The following ROR1 variants were observed in gnomAD, a reference collection of about 807,000 sequenced individuals.
The protein encoded by ROR1 is ROR family WNT receptor 1, also known as inactive tyrosine-protein kinase transmembrane receptor ROR1.
Under a neutral mutation model 78.8 loss-of-function variants are expected in ROR1, and 19 were observed. The observed-to-expected ratio is 0.24, with a 90% CI of 0.17 to 0.35. The LOEUF (loss-of-function observed/expected upper bound fraction) is 0.35. Ranked by LOEUF, ROR1 falls within the 10% of genes least tolerant of loss-of-function variation. The probability of loss-of-function intolerance (pLI) is 1.00; values close to 1 mark genes in which losing one functional copy is unlikely to be tolerated. For synonymous variants in ROR1, 386 were observed against 433.6 expected, an observed-to-expected ratio of 0.89 and a Z score of 1.36; for missense variants, 917 against 1,177.8, an observed-to-expected ratio of 0.78 and a Z score of 3.24.
chr1:64,060,062 G>A (rs1469596644), intron 4 of ROR1, among the ~76,000 whole-genome samples: 1 of 152,000 alleles, frequency 6.6e-6, no homozygotes, highest in Admixed American at 6.6e-5. Flanking sequence ...ATCCTAACAT[G>A]GGACTTGGTG....
intron 1 of ROR1, among the ~76,000 whole-genome samples, chr1:63,966,597 T>C (rs958770388): frequency 1.3e-5 from 2 of 152,224 alleles, no homozygotes; most frequent in Non-Finnish European, 2.9e-5. Flanking sequence ...CCAAATGTTT[T>C]ACCCTCAACT....
chr1:63,776,748 C>T (rs561506287), intron 1 of ROR1, among the ~76,000 whole-genome samples: 19 of 152,222 alleles, frequency 1.2e-4, no homozygotes, highest in Middle Eastern at 3.4e-3. Flanking sequence ...CAATATAAAA[C>T]AATATGAGAG....
At position 64,047,531 on chromosome 1, in the gene ROR1, C is replaced by A. The variant is rs75774449; in HGVS notation, c.164-2160C>A. ...ATCAAATTCCAGAACCTGTCCAATG[C>A]AGTATTAATCACTATGCTTATAGTG... On this transcript the variant is annotated intron_variant, in intron 2 of 8. Coordinates refer to ENST00000371079, the MANE Select transcript of ROR1 (RefSeq NM_005012.4). Among the ~76,000 whole-genome samples, 588 of 152,282 alleles carry A rather than the reference C, an allele frequency of 3.9e-3. 7 individuals are homozygous for A. The highest frequency in any genetic ancestry group is 0.013 in the African/African-American group (559 of 41,566).
At chr1:63,941,994 G>A (rs855938) in intron 1 of ROR1, among the ~76,000 whole-genome samples, 106,481 of 152,000 alleles carry the variant, frequency 0.7, 39,780 homozygotes, top group East Asian at 0.94. Context: ...TGGCAAGAAG[G>A]GGAGGCAGAG....
At chr1:63,956,515 A>G (rs1035448830) in intron 1 of ROR1, among the ~76,000 whole-genome samples, 8 of 152,160 alleles carry the variant, frequency 5.3e-5, no homozygotes, top group African/African-American at 1.9e-4. Context: ...GCATTTAAGA[A>G]ACATTGGCTG....
At chr1:63,943,818 G>T (rs952806787) in intron 1 of ROR1, among the ~76,000 whole-genome samples, 1 of 152,158 alleles carries the variant, frequency 6.6e-6, no homozygotes, top group Non-Finnish European at 1.5e-5. Flanking sequence ...TTATAGAAAA[G>T]TTATGATAAT....
intron 1 of ROR1, among the ~76,000 whole-genome samples, chr1:63,828,864 A>G (rs1456671884): frequency 6.6e-6 from 1 of 152,156 alleles, no homozygotes; most frequent in Non-Finnish European, 1.5e-5. Context: ...AGCACTTTGG[A>G]GACCACAGAC....
chr1:64,099,550 A>G (rs540829167), intron 4 of ROR1, among the ~76,000 whole-genome samples: 2 of 152,318 alleles, frequency 1.3e-5, no homozygotes, highest in African/African-American at 4.8e-5. Context: ...ATAAAAGCAA[A>G]AATAAAATGT....
intron 1 of ROR1, among the ~76,000 whole-genome samples, chr1:63,904,510 C>T (rs1308583949): frequency 6.6e-6 from 1 of 152,186 alleles, no homozygotes; most frequent in Non-Finnish European, 1.5e-5. Context: ...TCTCCAAATC[C>T]AACCAGACTA....
At chr1:64,007,027 G>T (rs1386204439) in intron 1 of ROR1, among the ~76,000 whole-genome samples, 1 of 151,018 alleles carries the variant, frequency 6.6e-6, no homozygotes, top group Non-Finnish European at 1.5e-5. Context: ...CCAGAGGTAA[G>T]GTGAAAAAAA....
chr1:63,985,589 T>C (rs1646244023), intron 1 of ROR1, among the ~76,000 whole-genome samples: 1 of 151,864 alleles, frequency 6.6e-6, no homozygotes, highest in Non-Finnish European at 1.5e-5. Flanking sequence ...TTATTAAAAA[T>C]ATAGGGGCCA....
At chr1:63,791,289 A>T (rs1644724382) in intron 1 of ROR1, among the ~76,000 whole-genome samples, 1 of 152,112 alleles carries the variant, frequency 6.6e-6, no homozygotes, top group Non-Finnish European at 1.5e-5. Context: ...GGGAGCAGCC[A>T]ATGCAGGCTC....
At chr1:64,112,062 G>A (rs1326524685) in intron 4 of ROR1, 1 of 152,140 alleles carries the variant, frequency 6.6e-6, no homozygotes, top group Admixed American at 6.5e-5. Flanking sequence ...CAAAGCCATG[G>A]GTGTCTTACA....
chr1:63,809,204 C>A (rs755268499), intron 1 of ROR1, among the ~76,000 whole-genome samples: 1 of 152,152 alleles, frequency 6.6e-6, no homozygotes, highest in African/African-American at 2.4e-5. Context: ...TACTTAAGTA[C>A]TTCTGTGCAC....
At chr1:64,017,059 G>C (rs1461332934) in intron 2 of ROR1, among the ~76,000 whole-genome samples, 2 of 151,886 alleles carry the variant, frequency 1.3e-5, no homozygotes, top group East Asian at 3.9e-4. Context: ...TGGGACCACA[G>C]GTGCACCATG....
intron 2 of ROR1, among the ~76,000 whole-genome samples, chr1:64,042,130 T>C (rs1040196662): frequency 1.3e-5 from 2 of 152,106 alleles, no homozygotes; most frequent in Admixed American, 1.3e-4. Flanking sequence ...GGTCAGGAAA[T>C]GGTAGTGATA....
chr1:63,936,315 C>T (rs1036396205), intron 1 of ROR1, among the ~76,000 whole-genome samples: 4 of 152,166 alleles, frequency 2.6e-5, no homozygotes, highest in African/African-American at 9.7e-5. Context: ...AAGGGGTGCT[C>T]TAAAGTGAAA....
chr1:64,130,542 C>T (rs1210063520), intron 4 of ROR1, among the ~76,000 whole-genome samples: 1 of 152,156 alleles, frequency 6.6e-6, no homozygotes, highest in Non-Finnish European at 1.5e-5. Context: ...GATGCTCCCT[C>T]TCCCAGGGCC....
intron 1 of ROR1, among the ~76,000 whole-genome samples, chr1:63,823,712 C>T (rs759145903): frequency 2.6e-5 from 4 of 151,626 alleles, no homozygotes; most frequent in Non-Finnish European, 4.4e-5. Flanking sequence ...CTCAGCCTCC[C>T]AAAGTGTTGG....
Sources: allele counts gnomAD v4.1 joint callset (sites outside exome capture counted in the v4.1 genomes callset), GRCh38; gene constraint gnomAD v4.1.1; transcripts MANE v1.5; gene names NCBI Gene and HGNC (gene_info 2026-07-23, HGNC 2026-07-21).